Variants in MOB4 observed in about 807,000 individuals in gnomAD.
MOB4 encodes the protein MOB-like protein phocein.
A neutral mutation model predicts 32.2 loss-of-function variants in MOB4; 4 were observed. That is an observed-to-expected ratio of 0.12 (90% CI 0.06 to 0.28). MOB4 has a LOEUF of 0.28. MOB4 is among the 10% of genes least tolerant of loss of function. The pLI is 1.00. For missense variants in MOB4, 158 were observed against 271.2 expected (o/e 0.58, Z 2.93); for synonymous variants, 88 against 88.1 (o/e 1.00, Z 0.01).
rs1332077395 is a variant in MOB4 at position 197,516,358 on chromosome 2, A to C, written c.60+212A>C. 4 of 1,416,242 alleles carry C rather than the reference A, an allele frequency of 2.8e-6. No homozygotes were observed. The Admixed American group carries it at 1.2e-4, about 43-fold the overall frequency. 87.7% of individuals were successfully genotyped at this position (1,416,242 alleles called of 1,614,324 possible). A position where few individuals can be genotyped will look rare whatever the true frequency, so the allele number is the denominator to read the frequency against. ...GCCTGCGGAGCTCCGACCCAGGGGT[A>C]GGCGTGAGGGGCGGGTGGGGTCTGC... On this transcript the variant is annotated intron_variant, in intron 1 of 7. Transcript: ENST00000323303.
intron 1 of MOB4, among the ~76,000 whole-genome samples, chr2:197,518,301 CTT>C (rs1238546938): frequency 2.0e-5 from 3 of 151,264 alleles, no homozygotes; most frequent in Non-Finnish European, 4.4e-5. Flanking sequence ...GAGTTTCTCT[CTT>C]GTTGCCCCCA....
chr2:197,536,675 CA>C (rs1434431598), intron 3 of MOB4, among the ~76,000 whole-genome samples: 2 of 146,086 alleles, frequency 1.4e-5, no homozygotes, highest in Non-Finnish European at 3.0e-5. Context: ...GATCCCGGCT[CA>C]CCACAACCTC....
At chr2:197,528,610 CTTTTTCTTTTTTT>C (rs1267890247) in intron 2 of MOB4, among the ~76,000 whole-genome samples, 2 of 145,186 alleles carry the variant, frequency 1.4e-5, no homozygotes, top group East Asian at 4.2e-4. Context: ...TTTTCTTTTT[CTTTTTCTTTTTTT>C]TTTTTTTTTT....
intron 2 of MOB4, among the ~76,000 whole-genome samples, chr2:197,528,725 C>G (rs1307013455): frequency 6.6e-6 from 1 of 151,290 alleles, no homozygotes; most frequent in Non-Finnish European, 1.5e-5. Flanking sequence ...AGGCCATTCT[C>G]CTGCCTCAGC....
chr2:197,540,314 T>G (rs369481883), intron 4 of MOB4, 37 bp from the exon 5 acceptor site: 5 of 1,486,990 alleles, frequency 3.4e-6, no homozygotes, highest in African/African-American at 2.9e-5. Context: ...TTTTCATTAT[T>G]ATTTTACATA....
chr2:197,528,019 A>G (rs1464952076), intron 2 of MOB4, among the ~76,000 whole-genome samples: 1 of 151,848 alleles, frequency 6.6e-6, no homozygotes, highest in Non-Finnish European at 1.5e-5. Flanking sequence ...TTTTTTCATG[A>G]TTTGACATAC....
At chr2:197,516,234 C>A (rs1484332851) in intron 1 of MOB4, 88 bp downstream of exon 1, 3 of 1,522,450 alleles carry the variant, frequency 2.0e-6, no homozygotes, top group Non-Finnish European at 1.8e-6. Context: ...GGAGGTTGGG[C>A]CGAGGCGGCA....
At chr2:197,528,341 G>T (rs946426564) in intron 2 of MOB4, among the ~76,000 whole-genome samples, 1 of 151,864 alleles carries the variant, frequency 6.6e-6, no homozygotes, top group Admixed American at 6.6e-5. Flanking sequence ...GGGTACCTGC[G>T]CAGTTTACTG....
rs760173761 is a variant in MOB4 at position 197,548,408 on chromosome 2, C to T, written c.427C>T (p.Pro143Ser). 6.4e-7 allele frequency: 1 copy of T among 1,573,524 alleles called. No homozygotes were observed. Among genetic ancestry groups the T allele is most frequent in the East Asian group, 2.4e-5 (1 of 42,118 alleles). The change falls in exon 6 of 8, where the codon CCC (proline) becomes TCC (serine). Residue 143 changes from proline (P) to serine (S), a missense_variant. This residue lies in a region of MOB4 where 22 missense variants were observed against 61.2 expected (regional missense o/e 0.36). Transcript: ENST00000323303. ...ACLLNSNKYF[P>S]SRVSIKESSV... is the part of the protein sequence containing the mutation. ...TCTTCTGAATAGCAATAAATATTTT[C>T]CCAGCAGGTAATCGAAACTTTTAAA...
At chr2:197,537,964 G>C (rs1167131299) in intron 3 of MOB4, among the ~76,000 whole-genome samples, 2 of 152,112 alleles carry the variant, frequency 1.3e-5, no homozygotes, top group African/African-American at 4.8e-5. Flanking sequence ...ATTTTTAGTA[G>C]AGATGGGGTT....
intron 5 of MOB4, among the ~76,000 whole-genome samples, chr2:197,548,094 G>A (rs556877074): frequency 2.6e-5 from 4 of 152,130 alleles, no homozygotes; most frequent in Non-Finnish European, 4.4e-5. Flanking sequence ...TTGTAGGTAC[G>A]ATGTTGGGAA....
intron 2 of MOB4, among the ~76,000 whole-genome samples, chr2:197,526,012 C>T (rs2086605982): frequency 6.6e-6 from 1 of 152,174 alleles, no homozygotes; most frequent in African/African-American, 2.4e-5. Context: ...CTTCTCCAAT[C>T]TAGATCTGTT....
chr2:197,534,122 C>T (rs2086756386), intron 2 of MOB4, among the ~76,000 whole-genome samples: 1 of 152,070 alleles, frequency 6.6e-6, no homozygotes, highest in Admixed American at 6.6e-5. Flanking sequence ...CTGCAGTAGG[C>T]TGGTTCAGTA....
chr2:197,516,617 C>G (rs1472854709), intron 1 of MOB4: 2 of 473,306 alleles, frequency 4.2e-6, no homozygotes, highest in African/African-American at 4.0e-5. Flanking sequence ...TACCCGTTTC[C>G]TGCCATCCAG....
chr2:197,516,996 A>T (rs143435946), intron 1 of MOB4, among the ~76,000 whole-genome samples: 7 of 152,348 alleles, frequency 4.6e-5, no homozygotes, highest in African/African-American at 1.7e-4. Context: ...CTGAAATCGG[A>T]AGAGATGTGT....
intron 2 of MOB4, among the ~76,000 whole-genome samples, chr2:197,524,196 T>G (rs555212939): frequency 6.6e-6 from 1 of 152,278 alleles, no homozygotes; most frequent in Admixed American, 6.5e-5. Flanking sequence ...ATTGTGCCAC[T>G]GTACTTCAAC....
chr2:197,535,884 C>T (rs540614779), intron 3 of MOB4, among the ~76,000 whole-genome samples: 1 of 150,724 alleles, frequency 6.6e-6, no homozygotes, highest in Admixed American at 6.6e-5. Context: ...CTCTGCACCT[C>T]TCTTCTTTTC....
upstream of MOB4, chr2:197,516,015 C>A: frequency 1.3e-6 from 2 of 1,485,506 alleles, no homozygotes; most frequent in Non-Finnish European, 1.8e-6. Flanking sequence ...GAGCGCCGCT[C>A]TGCCCCGCCC....
At chr2:197,546,883 C>T (rs1559325282) in intron 5 of MOB4, among the ~76,000 whole-genome samples, 1 of 152,102 alleles carries the variant, frequency 6.6e-6, no homozygotes, top group Non-Finnish European at 1.5e-5. Flanking sequence ...TCGATTAACA[C>T]ACATTTTGTA....
Sources: allele counts gnomAD v4.1 joint callset (sites outside exome capture counted in the v4.1 genomes callset), GRCh38; gene constraint gnomAD v4.1.1; regional missense constraint gnomAD v4.1.1; transcripts MANE v1.5; gene names NCBI Gene and HGNC (gene_info 2026-07-23, HGNC 2026-07-21).